Variants in PCTP observed in about 807,000 individuals in gnomAD.
PCTP encodes START domain-containing protein 2.
Under a neutral mutation model 31.0 loss-of-function variants are expected in PCTP, and 27 were observed. That is an observed-to-expected ratio of 0.87 (90% CI 0.64 to 1.20). The LOEUF is 1.20. Ranked by LOEUF, PCTP falls within the 50% of genes most tolerant of loss-of-function variation. PCTP has a pLI of 0.00. For missense variants in PCTP, 287 were observed against 268.2 expected (o/e 1.07, Z -0.49); for synonymous variants, 108 against 101.2 (o/e 1.07, Z -0.40).
chr17:55,836,171 A>G (rs1390653084), intron 5 of PCTP, among the ~76,000 whole-genome samples: 5 of 152,192 alleles, frequency 3.3e-5, no homozygotes, highest in Non-Finnish European at 5.9e-5. Context: ...GTGCCTTATG[A>G]GTTCAACCAA....
chr17:55,809,395 G>A (rs1238759367), intron 3 of PCTP, among the ~76,000 whole-genome samples: 2 of 152,150 alleles, frequency 1.3e-5, no homozygotes, highest in African/African-American at 2.4e-5. Flanking sequence ...TGGATAGGGA[G>A]GGATGCTTAG....
intron 3 of PCTP, among the ~76,000 whole-genome samples, chr17:55,802,237 C>G (rs1311779229): frequency 6.6e-6 from 1 of 151,984 alleles, no homozygotes; most frequent in South Asian, 2.1e-4. Context: ...GCCTACCAAC[C>G]AAAAAAAGCT....
At chr17:55,844,379 C>T (rs1906076905), downstream of PCTP, among the ~76,000 whole-genome samples, 1 of 152,178 alleles carries the variant, frequency 6.6e-6, no homozygotes, top group Non-Finnish European at 1.5e-5. Context: ...AGCTGACCTC[C>T]ATTGCTACAC....
intron 3 of PCTP, among the ~76,000 whole-genome samples, chr17:55,809,001 C>G (rs142395840): frequency 6.6e-6 from 1 of 152,298 alleles, no homozygotes; most frequent in African/African-American, 2.4e-5. Context: ...CTACACAATG[C>G]AAAGTGAGCA....
At chr17:55,839,875 C>G (rs1905908014) in intron 5 of PCTP, among the ~76,000 whole-genome samples, 4 of 141,064 alleles carry the variant, frequency 2.8e-5, no homozygotes, top group African/African-American at 1.1e-4. Flanking sequence ...AGCCGAGATC[C>G]CGCCACTGCA....
downstream of PCTP, among the ~76,000 whole-genome samples, chr17:55,824,352 A>AGGG (rs1905328685): frequency 6.6e-6 from 1 of 152,100 alleles, no homozygotes; most frequent in African/African-American, 2.4e-5. Context: ...TAAAATGAAG[A>AGGG]TGGAAACAGG....
chr17:55,851,489 C>T, the PCTP span, among the ~76,000 whole-genome samples: 1 of 152,158 alleles, frequency 6.6e-6, no homozygotes, highest in Non-Finnish European at 1.5e-5. Flanking sequence ...AGAGTTTATT[C>T]TACTACATTC....
At chr17:55,819,260 G>A (rs966346052) in intron 3 of PCTP, among the ~76,000 whole-genome samples, 22 of 152,180 alleles carry the variant, frequency 1.4e-4, no homozygotes, top group African/African-American at 5.3e-4. Context: ...CAAGGTGTCT[G>A]CTCTTAACAC....
the PCTP span, among the ~76,000 whole-genome samples, chr17:55,851,670 A>C: frequency 1.3e-5 from 2 of 152,214 alleles, no homozygotes; most frequent in Admixed American, 1.3e-4. Flanking sequence ...TTTTCTTCAT[A>C]AGATGAAGGG....
chr17:55,785,487 A>T (rs1195923343), intron 2 of PCTP, among the ~76,000 whole-genome samples: 2 of 152,248 alleles, frequency 1.3e-5, no homozygotes, highest in Admixed American at 1.3e-4. Flanking sequence ...ATACTGTTTT[A>T]AGCCAGTAAG....
At chr17:55,764,299 A>G (rs1910516754) in intron 1 of PCTP, among the ~76,000 whole-genome samples, 2 of 152,156 alleles carry the variant, frequency 1.3e-5, no homozygotes, top group African/African-American at 2.4e-5. Context: ...AATAATTGCT[A>G]TTTGTCTCCC....
At chr17:55,762,343 G>A (rs75922319) in intron 1 of PCTP, among the ~76,000 whole-genome samples, 9,497 of 152,158 alleles carry the variant, frequency 0.062, 295 homozygotes, top group African/African-American at 0.067. Flanking sequence ...TGGAGGGTCT[G>A]TGTCTGGCCT....
chr17:55,831,424 C>G (rs943918411), intron 5 of PCTP, among the ~76,000 whole-genome samples: 9 of 152,168 alleles, frequency 5.9e-5, no homozygotes, highest in African/African-American at 2.2e-4. Context: ...CATGCCCTCC[C>G]TGTTCTGCGG....
intron 3 of PCTP, among the ~76,000 whole-genome samples, chr17:55,814,552 G>T (rs748870763): frequency 1.3e-5 from 2 of 152,210 alleles, no homozygotes; most frequent in South Asian, 2.1e-4. Context: ...GATTTGTTTA[G>T]TCATTGACGC....
At chr17:55,771,363 A>G (rs1384239710) in intron 3 of PCTP, among the ~76,000 whole-genome samples, 178 bp downstream of exon 3, 9 of 152,358 alleles carry the variant, frequency 5.9e-5, no homozygotes, top group Middle Eastern at 6.8e-3. Flanking sequence ...TGGAGAGCTC[A>G]GAGTGTGATT....
chr17:55,761,198 T>C (rs533912301), intron 1 of PCTP, among the ~76,000 whole-genome samples: 2 of 152,248 alleles, frequency 1.3e-5, no homozygotes, highest in African/African-American at 4.8e-5. Flanking sequence ...CCTATCTACA[T>C]CACAGGGCTA....
chr17:55,848,198 C>T, the PCTP span, among the ~76,000 whole-genome samples: 1 of 152,326 alleles, frequency 6.6e-6, no homozygotes, highest in Admixed American at 6.5e-5. Flanking sequence ...GCGTGAGCCA[C>T]CGTGCCAGGC....
chr17:55,792,524 A>G (rs1278841952), intron 3 of PCTP, among the ~76,000 whole-genome samples: 1 of 152,110 alleles, frequency 6.6e-6, no homozygotes, highest in East Asian at 1.9e-4. Context: ...GATAGTAAGA[A>G]CTGTGCGGCC....
At chr17:55,837,621 C>T (rs866473287) in intron 5 of PCTP, among the ~76,000 whole-genome samples, 1 of 152,170 alleles carries the variant, frequency 6.6e-6, no homozygotes, top group South Asian at 2.1e-4. Context: ...CTTCCTTTCT[C>T]TTTGTCTCCC....
Sources: allele counts gnomAD v4.1 joint callset (sites outside exome capture counted in the v4.1 genomes callset), GRCh38; gene constraint gnomAD v4.1.1; transcripts MANE v1.5; gene names NCBI Gene and HGNC (gene_info 2026-07-23, HGNC 2026-07-21).